Variants in RSPH14 observed in about 807,000 individuals in gnomAD.
The protein encoded by RSPH14 is radial spoke head 14 homolog.
Under a neutral mutation model 26.7 loss-of-function variants are expected in RSPH14, and 20 were observed. The observed-to-expected ratio is 0.75, with a 90% CI of 0.53 to 1.09. The LOEUF is 1.09. RSPH14 is among the 50% of genes least tolerant of loss of function. The pLI is 0.00. For synonymous variants in RSPH14, 177 were observed against 189.3 expected, an observed-to-expected ratio of 0.93 and a Z score of 0.53; for missense variants, 449 against 457.2, an observed-to-expected ratio of 0.98 and a Z score of 0.16.
chr22:23,176,087 C>A, the RSPH14 span, among the ~76,000 whole-genome samples: 3 of 152,256 alleles, frequency 2.0e-5, no homozygotes, highest in Non-Finnish European at 4.4e-5. Flanking sequence ...CACTTTCTCT[C>A]TGAGGTCTTC....
chr22:23,087,392 G>T (rs1297533703), intron 4 of RSPH14, among the ~76,000 whole-genome samples: 2 of 152,180 alleles, frequency 1.3e-5, no homozygotes, highest in Non-Finnish European at 2.9e-5. Context: ...TGAGCCCGGG[G>T]GGTTGAGGCT....
chr22:23,079,043 G>A (rs1346343651), intron 4 of RSPH14, among the ~76,000 whole-genome samples: 1 of 152,216 alleles, frequency 6.6e-6, no homozygotes, highest in Non-Finnish European at 1.5e-5. Context: ...GAGGGCCTGG[G>A]ATTGATTTAT....
At chr22:23,069,529 G>A (rs1202467665) in intron 4 of RSPH14, among the ~76,000 whole-genome samples, 1 of 152,196 alleles carries the variant, frequency 6.6e-6, no homozygotes, top group Non-Finnish European at 1.5e-5. Context: ...CTGAGGGTCT[G>A]ATGCTTTCCA....
intron 4 of RSPH14, among the ~76,000 whole-genome samples, chr22:23,130,768 G>A (rs1015039349): frequency 6.6e-6 from 1 of 152,236 alleles, no homozygotes; most frequent in Non-Finnish European, 1.5e-5. Flanking sequence ...GGAATCTGAT[G>A]AGGTGTCAGG....
intron 4 of RSPH14, among the ~76,000 whole-genome samples, chr22:23,110,221 C>A (rs1362295162): frequency 6.6e-6 from 1 of 152,108 alleles, no homozygotes; most frequent in African/African-American, 2.4e-5. Context: ...CCAGGTAACC[C>A]CTCTGAGCAC....
At chr22:23,080,771 T>TA (rs1429781833) in intron 4 of RSPH14, among the ~76,000 whole-genome samples, 3 of 152,230 alleles carry the variant, frequency 2.0e-5, no homozygotes, top group African/African-American at 7.2e-5. Context: ...GCAAAAGCTA[T>TA]TGTGATAAAT....
At chr22:23,090,026 G>A (rs1022455841) in intron 4 of RSPH14, among the ~76,000 whole-genome samples, 23 of 152,222 alleles carry the variant, frequency 1.5e-4, no homozygotes, top group Admixed American at 3.9e-4. Context: ...CGACCTCCTG[G>A]TGAATTTGCC....
At chr22:23,151,551 G>C in the RSPH14 span, among the ~76,000 whole-genome samples, 2 of 152,108 alleles carry the variant, frequency 1.3e-5, no homozygotes, top group African/African-American at 2.4e-5. Context: ...TGACCATTTG[G>C]CTCCTTGGGG....
intron 3 of RSPH14, chr22:23,135,988 TTTTATTTATTTTA>T (rs2070473075): frequency 6.0e-6 from 1 of 166,498 alleles, no homozygotes; most frequent in African/African-American, 2.4e-5. Flanking sequence ...TAAAAATAAA[TTTTATTTATTTTA>T]TTTATTTATT....
At chr22:23,176,320 T>C in the RSPH14 span, among the ~76,000 whole-genome samples, 1 of 152,226 alleles carries the variant, frequency 6.6e-6, no homozygotes, top group Non-Finnish European at 1.5e-5. Flanking sequence ...TCCTTCCTTC[T>C]AGCACTCTCA....
chr22:23,141,612 T>C (rs1162999217), intron 1 of RSPH14, among the ~76,000 whole-genome samples: 1 of 152,230 alleles, frequency 6.6e-6, no homozygotes, highest in Non-Finnish European at 1.5e-5. Context: ...ATTACGGTTA[T>C]TATCATGGTT....
the RSPH14 span, among the ~76,000 whole-genome samples, chr22:23,160,040 G>A: frequency 3.3e-5 from 5 of 152,208 alleles, no homozygotes; most frequent in East Asian, 1.9e-4. Context: ...GAAGTCATAC[G>A]CAGGGCCTGG....
intron 4 of RSPH14, among the ~76,000 whole-genome samples, chr22:23,110,848 C>T (rs1035509651): frequency 7.2e-5 from 11 of 152,178 alleles, no homozygotes; most frequent in South Asian, 2.1e-4. Flanking sequence ...ACCCAAGGGC[C>T]CACCACACTC....
chr22:23,130,124 AAAGAAAG>A (rs1460264769), intron 4 of RSPH14, among the ~76,000 whole-genome samples: 1 of 113,546 alleles, frequency 8.8e-6, no homozygotes, highest in Non-Finnish European at 1.9e-5. Flanking sequence ...AGAAAGAAAG[AAAGAAAG>A]AAAGAAAGAA....
At chr22:23,152,972 T>C in the RSPH14 span, 71 of 1,215,684 alleles carry the variant, frequency 5.8e-5, no homozygotes, top group Non-Finnish European at 8.0e-5. Flanking sequence ...GTGTTACAAG[T>C]GAAGCTTCCG....
chr22:23,064,101 A>T lies in RSPH14; in HGVS notation c.454T>A (p.Ser152Thr). The T allele has an allele frequency of 6.2e-7, 1 of 1,614,170 alleles. No individual in the cohort carries two copies. Among genetic ancestry groups the T allele is most frequent in the Non-Finnish European group, 8.5e-7 (1 of 1,180,010 alleles). Residue 152 changes from serine (S) to threonine (T), a missense_variant, in exon 5 of 7, where the codon TCC becomes ACC. Physicochemically the swap from Ser to Thr is moderately conservative, Grantham distance 58 (BLOSUM62 1). Transcript: ENST00000216036. ...ACCTGCAGCTTCCATACCAGTGAGG[A>T]AATCAGACCTTTGCTGATGATCTCT... ...AQEIISKGLI[S>T]SLVWKLQVEV...
chr22:23,167,673 A>ACGTT, the RSPH14 span, among the ~76,000 whole-genome samples: 1 of 152,054 alleles, frequency 6.6e-6, no homozygotes, highest in Admixed American at 6.6e-5. Flanking sequence ...TTAAATTGAC[A>ACGTT]CGTTCACTCA....
intron 4 of RSPH14, chr22:23,095,220 G>A: frequency 5.8e-6 from 1 of 170,996 alleles, no homozygotes; most frequent in East Asian, 1.7e-4. Context: ...CGGGGAGGAG[G>A]CTCACGCTTT....
chr22:23,150,096 G>A, the RSPH14 span: 8 of 1,612,416 alleles, frequency 5.0e-6, no homozygotes, highest in Non-Finnish European at 6.8e-6. Context: ...GCAGCTCAGG[G>A]AGCACTTCCA....
Sources: gnomAD v4.1 joint callset for allele counts (sites outside exome capture counted in the v4.1 genomes callset) on GRCh38, gnomAD v4.1.1 for gene constraint, MANE v1.5 for transcripts, NCBI Gene and HGNC (gene_info 2026-07-23, HGNC 2026-07-21) for gene names.